The following HS6ST3 variants were observed in gnomAD, a reference collection of about 807,000 sequenced individuals.
HS6ST3 encodes the protein heparan-sulfate 6-O-sulfotransferase 3.
Under a neutral mutation model 36.7 loss-of-function variants are expected in HS6ST3, and 12 were observed. That is an observed-to-expected ratio of 0.33 (90% CI 0.21 to 0.53). The LOEUF is 0.53. Ranked by LOEUF, HS6ST3 falls within the 20% of genes least tolerant of loss-of-function variation. HS6ST3 has a pLI of 0.95. For synonymous variants in HS6ST3, 240 were observed against 257.5 expected, an observed-to-expected ratio of 0.93 and a Z score of 0.65; for missense variants, 584 against 640.9, an observed-to-expected ratio of 0.91 and a Z score of 0.96.
In HS6ST3 at chr13:96,503,336, C is replaced by T. The variant is rs1410345; in HGVS notation, c.708-329154C>T. 2.2e-4 allele frequency among the ~76,000 whole-genome samples: 33 copies of T among 152,240 alleles called. No individual in the cohort carries two copies. In the East Asian group the frequency reaches 5.8e-3, roughly 27 times the overall value. On this transcript the variant is annotated intron_variant, in intron 1 of 1. Transcript: ENST00000376705. The stretch of plus-strand genomic sequence containing the variant: ...TTGGTGAGCAACTGCCATGTGAGGC[C>T]TAGGTCAGGGCAGTGTCTGTACTGG...
intron 1 of HS6ST3, among the ~76,000 whole-genome samples, chr13:96,430,238 T>C (rs952474809): frequency 6.6e-6 from 1 of 152,256 alleles, no homozygotes; most frequent in Non-Finnish European, 1.5e-5. Flanking sequence ...ATTGGAGTTA[T>C]TTATTTTAAG....
At chr13:96,450,415 G>T (rs968771091) in intron 1 of HS6ST3, among the ~76,000 whole-genome samples, 5 of 152,074 alleles carry the variant, frequency 3.3e-5, no homozygotes, top group Non-Finnish European at 7.4e-5. Flanking sequence ...ACTTTTTATA[G>T]AATTATTGTG....
chr13:96,147,693 C>T, intron 1 of HS6ST3, among the ~76,000 whole-genome samples: 1 of 152,184 alleles, frequency 6.6e-6, no homozygotes, highest in East Asian at 1.9e-4. Context: ...GTGTCCTGTC[C>T]AGGGCTGGTT....
intron 1 of HS6ST3, among the ~76,000 whole-genome samples, chr13:96,225,925 G>A (rs573347768): frequency 1.8e-4 from 28 of 152,244 alleles, no homozygotes; most frequent in African/African-American, 6.7e-4. Flanking sequence ...AGAGTCCTGG[G>A]ATAGTAGTAT....
At chr13:96,331,922 C>T (rs1000194360) in intron 1 of HS6ST3, among the ~76,000 whole-genome samples, 6 of 152,218 alleles carry the variant, frequency 3.9e-5, no homozygotes, top group African/African-American at 1.4e-4. Flanking sequence ...GCCAAATATT[C>T]GGTTGGGAGT....
chr13:96,786,536 AT>A (rs1369965453), intron 1 of HS6ST3, among the ~76,000 whole-genome samples: 2 of 152,114 alleles, frequency 1.3e-5, no homozygotes, highest in African/African-American at 4.8e-5. Flanking sequence ...AAAAATTTAA[AT>A]TCAGGCTTGC....
intron 1 of HS6ST3, among the ~76,000 whole-genome samples, chr13:96,235,395 A>G (rs1035318157): frequency 1.3e-5 from 2 of 152,114 alleles, no homozygotes; most frequent in African/African-American, 2.4e-5. Context: ...CTTCCCCACA[A>G]CCCTATCAAG....
intron 1 of HS6ST3, among the ~76,000 whole-genome samples, chr13:96,188,767 T>A (rs1264937711): frequency 6.6e-6 from 1 of 152,194 alleles, no homozygotes; most frequent in Non-Finnish European, 1.5e-5. Context: ...GTTATTAATG[T>A]GTAATTGTTA....
At chr13:96,236,535 C>T (rs888060261) in intron 1 of HS6ST3, among the ~76,000 whole-genome samples, 20 of 152,272 alleles carry the variant, frequency 1.3e-4, no homozygotes, top group Admixed American at 1.0e-3. Flanking sequence ...TCCCCCATAA[C>T]TCCCTTGCTA....
intron 1 of HS6ST3, among the ~76,000 whole-genome samples, chr13:96,385,429 T>C (rs2055362834): frequency 6.6e-6 from 1 of 152,088 alleles, no homozygotes; most frequent in Non-Finnish European, 1.5e-5. Flanking sequence ...CACTGGACTT[T>C]GGTAGTAATT....
intron 1 of HS6ST3, among the ~76,000 whole-genome samples, chr13:96,680,334 A>G (rs1235406419): frequency 6.6e-6 from 1 of 152,100 alleles, no homozygotes; most frequent in South Asian, 2.1e-4. Flanking sequence ...CAGTCCTGCA[A>G]TTGGATATGT....
intron 1 of HS6ST3, among the ~76,000 whole-genome samples, chr13:96,239,017 A>G (rs1241740199): frequency 6.6e-6 from 1 of 152,150 alleles, no homozygotes; most frequent in Non-Finnish European, 1.5e-5. Context: ...CTTCTCACGG[A>G]TGGGGAAGTA....
chr13:96,368,730 CT>C (rs2055275557), intron 1 of HS6ST3, among the ~76,000 whole-genome samples: 1 of 151,824 alleles, frequency 6.6e-6, no homozygotes. Flanking sequence ...TTGTTTTTGA[CT>C]TTAGGCAAAA....
At chr13:96,749,076 C>T (rs1334859347) in intron 1 of HS6ST3, among the ~76,000 whole-genome samples, 1 of 152,018 alleles carries the variant, frequency 6.6e-6, no homozygotes, top group Non-Finnish European at 1.5e-5. Context: ...TAAAATTAAC[C>T]GTTGATTCCA....
chr13:96,723,770 A>G (rs1875917663), intron 1 of HS6ST3, among the ~76,000 whole-genome samples: 2 of 152,172 alleles, frequency 1.3e-5, no homozygotes, highest in Admixed American at 1.3e-4. Context: ...GCAGTTTGTA[A>G]TGTAAGGCAT....
At chr13:96,755,952 G>A (rs1314103877) in intron 1 of HS6ST3, among the ~76,000 whole-genome samples, 1 of 152,102 alleles carries the variant, frequency 6.6e-6, no homozygotes, top group Non-Finnish European at 1.5e-5. Context: ...TCCCAACTGT[G>A]TGCGTACCAT....
chr13:96,325,776 G>C (rs1370816287), intron 1 of HS6ST3, among the ~76,000 whole-genome samples: 1 of 152,124 alleles, frequency 6.6e-6, no homozygotes, highest in East Asian at 1.9e-4. Context: ...GGACAAAATT[G>C]GTCATTTAAA....
chr13:96,258,841 G>A (rs1053438839), intron 1 of HS6ST3, among the ~76,000 whole-genome samples: 14 of 152,102 alleles, frequency 9.2e-5, no homozygotes, highest in Admixed American at 2.0e-4. Flanking sequence ...AGTGATGAAC[G>A]TAGCATGATC....
At chr13:96,249,097 TC>T (rs2054596620) in intron 1 of HS6ST3, among the ~76,000 whole-genome samples, 1 of 152,190 alleles carries the variant, frequency 6.6e-6, no homozygotes, top group South Asian at 2.1e-4. Flanking sequence ...TTATTCTCAT[TC>T]ATCTAATACC....
Sources: gnomAD v4.1 joint callset for allele counts (sites outside exome capture counted in the v4.1 genomes callset) on GRCh38, gnomAD v4.1.1 for gene constraint, MANE v1.5 for transcripts, NCBI Gene and HGNC (gene_info 2026-07-23, HGNC 2026-07-21) for gene names.